NVL: variants seen among roughly 807,000 people sequenced by gnomAD.
NVL encodes the protein nuclear valosin-containing protein-like.
NVL carries 84 observed loss-of-function variants against 110.2 expected under a neutral mutation model. The ratio of observed to expected loss-of-function variants is 0.76; its 90% CI spans 0.64 to 0.91. The LOEUF (loss-of-function observed/expected upper bound fraction) is 0.91. Ranked by LOEUF, NVL falls within the 40% of genes least tolerant of loss-of-function variation. The pLI is 0.00. For missense variants in NVL, 882 were observed against 1,035.9 expected (o/e 0.85, Z 2.04); for synonymous variants, 354 against 361.1 (o/e 0.98, Z 0.22).
intron 18 of NVL, among the ~76,000 whole-genome samples, chr1:224,255,252 C>T (rs925505973): frequency 8.1e-5 from 10 of 123,228 alleles, no homozygotes; most frequent in East Asian, 2.7e-4. Flanking sequence ...TGCAGTGGTG[C>T]GATCTTGGCT....
At chr1:224,300,401 A>C (rs544330448) in intron 10 of NVL, among the ~76,000 whole-genome samples, 161 bp downstream of exon 10, 3 of 152,344 alleles carry the variant, frequency 2.0e-5, no homozygotes, top group African/African-American at 7.2e-5. Context: ...CACTAAATCT[A>C]CTTTAAATAT....
At chr1:224,243,731 G>A (rs1045517298) in intron 19 of NVL, among the ~76,000 whole-genome samples, 3 of 142,876 alleles carry the variant, frequency 2.1e-5, no homozygotes, top group Admixed American at 7.4e-5. Context: ...GTACAATCTC[G>A]GCTCACTGCA....
intron 18 of NVL, 150 bp from the exon 19 acceptor site, chr1:224,250,468 G>T: frequency 1.7e-6 from 1 of 582,292 alleles, no homozygotes; most frequent in Non-Finnish European, 2.7e-6. Flanking sequence ...AGGCTCAGAT[G>T]ATTCTCCCAC....
At chr1:224,325,234 C>T (rs758578844) in intron 2 of NVL, among the ~76,000 whole-genome samples, 4 of 151,456 alleles carry the variant, frequency 2.6e-5, no homozygotes, top group Non-Finnish European at 5.9e-5. Context: ...TGCACTCCAG[C>T]CTGGGCGACA....
intron 14 of NVL, 77 bp from the exon 15 acceptor site, chr1:224,286,207 A>T: frequency 6.0e-6 from 6 of 1,005,216 alleles, no homozygotes; most frequent in Non-Finnish European, 5.9e-6. Context: ...CCAGATACAT[A>T]TTTTATGGTT....
At chr1:224,279,041 G>T (rs1478157083) in intron 16 of NVL, among the ~76,000 whole-genome samples, 1 of 151,936 alleles carries the variant, frequency 6.6e-6, no homozygotes, top group Non-Finnish European at 1.5e-5. Context: ...TAATATTTTT[G>T]AAAGTGCACA....
At position 224,300,553 on chromosome 1, in the gene NVL, C is replaced by CT; in HGVS notation, c.1062+8dup. 6.2e-7 allele frequency: 1 copy of CT among 1,600,434 alleles called. No individual in the cohort carries two copies. The highest frequency in any genetic ancestry group is 8.6e-7 in the Non-Finnish European group (1 of 1,168,322). On this transcript the variant is annotated intron_variant, in intron 10 of 22. Transcript: ENST00000281701. ...CTGACCACCTGGCATTAGTCATTAA[C>CT]TGACTCACCACAGCTTGCTCAAATA...
intron 10 of NVL, chr1:224,297,750 G>C (rs1298834553): frequency 6.4e-6 from 1 of 155,120 alleles, no homozygotes; most frequent in African/African-American, 2.4e-5. Flanking sequence ...AAATCTATAA[G>C]AAATGTCATA....
intron 19 of NVL, among the ~76,000 whole-genome samples, chr1:224,239,957 A>G (rs767634224): frequency 8.6e-5 from 13 of 151,548 alleles, no homozygotes; most frequent in Non-Finnish European, 1.8e-4. Flanking sequence ...GAGTGCAGTG[A>G]CGCAATCTCG....
chr1:224,290,069 A>T (rs1259834894), intron 12 of NVL, among the ~76,000 whole-genome samples: 1 of 152,240 alleles, frequency 6.6e-6, no homozygotes, highest in Non-Finnish European at 1.5e-5. Flanking sequence ...AGAGTAGATT[A>T]AATGGATATC....
At chr1:224,304,313 T>C (rs1357105882) in intron 8 of NVL, among the ~76,000 whole-genome samples, 1 of 152,032 alleles carries the variant, frequency 6.6e-6, no homozygotes, top group Non-Finnish European at 1.5e-5. Flanking sequence ...TAAACCCAAC[T>C]ACTCGGGTGG....
chr1:224,302,411 G>A (rs1668509681), intron 9 of NVL, among the ~76,000 whole-genome samples: 2 of 152,138 alleles, frequency 1.3e-5, no homozygotes, highest in South Asian at 4.1e-4. Context: ...ATGTTGGTCA[G>A]GCTGGTCTTG....
At chr1:224,313,369 TGTAA>T (rs892506419) in intron 4 of NVL, among the ~76,000 whole-genome samples, 2 of 150,424 alleles carry the variant, frequency 1.3e-5, no homozygotes, top group African/African-American at 2.4e-5. Flanking sequence ...AAGAAAAAAG[TGTAA>T]GTAATTATTT....
At chr1:224,286,784 T>A (rs1274047834) in intron 14 of NVL, among the ~76,000 whole-genome samples, 2 of 152,244 alleles carry the variant, frequency 1.3e-5, no homozygotes, top group Non-Finnish European at 2.9e-5. Flanking sequence ...AAGCCAGAGA[T>A]ATCTGTTGAC....
At chr1:224,324,920 T>C (rs1172497627) in intron 2 of NVL, among the ~76,000 whole-genome samples, 1 of 152,138 alleles carries the variant, frequency 6.6e-6, no homozygotes, top group East Asian at 1.9e-4. Flanking sequence ...TAACCCCCAG[T>C]ACCTCTGAAT....
Position 224,268,110 on chromosome 1 carries a change from C to A in NVL, c.2106G>T (p.Val702=). The change falls in exon 18 of 23, where the codon GTG becomes GTT. Residue 702 remains valine (V), a synonymous_variant. Transcript: ENST00000281701. ...DRETGASVRV[V]NQLLTEMDGL... ...CATCCATCTCTGTAAGTAGCTGATT[C>A]ACCACTCGGACACTTGCCCCTGTCT... The A allele has an allele frequency of 6.2e-7, 1 of 1,613,924 alleles. No homozygotes were observed. Among genetic ancestry groups the A allele is most frequent in the Non-Finnish European group, 8.5e-7 (1 of 1,179,888 alleles).
At chr1:224,283,417 G>A (rs1666569011) in intron 15 of NVL, among the ~76,000 whole-genome samples, 1 of 152,136 alleles carries the variant, frequency 6.6e-6, no homozygotes, top group Non-Finnish European at 1.5e-5. Context: ...AACCCAGGAG[G>A]CGGAGCTTGC....
chr1:224,286,755 G>GT (rs1666909524), intron 14 of NVL, among the ~76,000 whole-genome samples: 1 of 152,176 alleles, frequency 6.6e-6, no homozygotes, highest in African/African-American at 2.4e-5. Context: ...AGATGCAGCA[G>GT]TAACTTTTGC....
intron 17 of NVL, among the ~76,000 whole-genome samples, chr1:224,272,831 G>A (rs1295000708): frequency 5.4e-5 from 8 of 149,374 alleles, no homozygotes; most frequent in Non-Finnish European, 1.2e-4. Flanking sequence ...TCAGGAGATC[G>A]AGACCATCCC....
Sources: gnomAD v4.1 joint callset for allele counts (sites outside exome capture counted in the v4.1 genomes callset) on GRCh38, gnomAD v4.1.1 for gene constraint, MANE v1.5 for transcripts, NCBI Gene and HGNC (gene_info 2026-07-23, HGNC 2026-07-21) for gene names.